The following RAI14 variants were observed in gnomAD, a reference collection of about 807,000 sequenced individuals.
RAI14 encodes ankycorbin.
In RAI14, 45 loss-of-function variants were observed where a neutral mutation model predicts 115.4. The observed-to-expected ratio is 0.39, with a 90% confidence interval of 0.31 to 0.50. The LOEUF (loss-of-function observed/expected upper bound fraction) is 0.50, where lower values mean the gene tolerates loss of function less well. Among genes scored for constraint, RAI14 ranks in the 20% least tolerant of loss-of-function variants. The pLI is 0.85. For synonymous variants in RAI14, 371 were observed against 415.4 expected, an observed-to-expected ratio of 0.89 and a Z score of 1.30; for missense variants, 939 against 1,131.2, an observed-to-expected ratio of 0.83 and a Z score of 2.44.
intron 1 of RAI14, among the ~76,000 whole-genome samples, chr5:34,673,853 T>C (rs533420046): frequency 2.2e-4 from 34 of 152,284 alleles, no homozygotes; most frequent in African/African-American, 8.2e-4. Flanking sequence ...GAGGAAGGTC[T>C]ACCTCCCCTC....
chr5:34,672,166 A>C (rs1381089239), intron 1 of RAI14, among the ~76,000 whole-genome samples: 1 of 152,064 alleles, frequency 6.6e-6, no homozygotes, highest in Non-Finnish European at 1.5e-5. Context: ...TTTTTATTTA[A>C]AAAAAAACTG....
chr5:34,683,961 T>C (rs1385923055), intron 1 of RAI14, among the ~76,000 whole-genome samples: 1 of 152,196 alleles, frequency 6.6e-6, no homozygotes, highest in East Asian at 1.9e-4. Context: ...TTTCCTGACC[T>C]TGTGTTCCGC....
chr5:34,761,610 C>T (rs555556197), intron 3 of RAI14, among the ~76,000 whole-genome samples: 16 of 152,142 alleles, frequency 1.1e-4, no homozygotes, highest in Non-Finnish European at 2.1e-4. Flanking sequence ...CCTGTCTCCC[C>T]GCTGTTTCTT....
chr5:34,679,461 A>G (rs1392317316), intron 1 of RAI14, among the ~76,000 whole-genome samples: 1 of 151,854 alleles, frequency 6.6e-6, no homozygotes, highest in Admixed American at 6.6e-5. Context: ...CTCCCTGACT[A>G]GAAGGGGAGT....
chr5:34,709,124 T>C (rs1741088541), intron 2 of RAI14, among the ~76,000 whole-genome samples: 1 of 124,010 alleles, frequency 8.1e-6, no homozygotes, highest in African/African-American at 3.2e-5. Context: ...AGTGAGACCC[T>C]ATCTCAAAAA....
At chr5:34,720,752 A>C (rs1742610487) in intron 2 of RAI14, among the ~76,000 whole-genome samples, 1 of 151,940 alleles carries the variant, frequency 6.6e-6, no homozygotes, top group Non-Finnish European at 1.5e-5. Flanking sequence ...TAGCGCTTTC[A>C]TGAGGTCTCA....
chr5:34,678,918 T>C (rs1032853732), intron 1 of RAI14, among the ~76,000 whole-genome samples: 2 of 152,234 alleles, frequency 1.3e-5, no homozygotes, highest in African/African-American at 2.4e-5. Flanking sequence ...TTTCCCTCTA[T>C]TGTGAGTTGC....
chr5:34,795,018 T>C (rs985249205), intron 3 of RAI14, among the ~76,000 whole-genome samples: 2 of 152,220 alleles, frequency 1.3e-5, no homozygotes, highest in African/African-American at 4.8e-5. Context: ...TTAACCTCTC[T>C]ATAGGATGGC....
In RAI14 at chr5:34,818,869, CT is replaced by C. The variant is rs1756540931; in HGVS notation, c.994+19del. 3 of 1,553,424 alleles carry C rather than the reference CT, an allele frequency of 1.9e-6. No homozygotes were observed. Among genetic ancestry groups the C allele is most frequent in the African/African-American group, 1.4e-5 (1 of 72,004 alleles). On this transcript the variant is annotated intron_variant, in intron 13 of 17. Coordinates refer to ENST00000265109, the MANE Select transcript of RAI14 (RefSeq NM_015577.3). ...TACTACAGGTAAGACAAGGAAGCATCTGTTTTTTTTTTTCCTTCAACCAAAC... is the reference window on the plus strand; with the variant it reads ...TACTACAGGTAAGACAAGGAAGCATCGTTTTTTTTTTTCCTTCAACCAAAC...
At chr5:34,826,028 TTAAGAG>T (rs1757402320) in intron 15 of RAI14, 2 of 186,492 alleles carry the variant, frequency 1.1e-5, no homozygotes, top group East Asian at 2.8e-4. Context: ...CATACCCATT[TTAAGAG>T]TAAAAGTAGG....
Position 34,678,845 on chromosome 5 carries a change from C to A in RAI14, c.-48-8027C>A, listed in dbSNP as rs188540542. ...TTTGTTGCTTCTCCACCAGGGAATCCGCTTCCCTCTGCCCTCTTTGTCCTT... is the reference window on the plus strand; with the variant it reads ...TTTGTTGCTTCTCCACCAGGGAATCAGCTTCCCTCTGCCCTCTTTGTCCTT... On this transcript the variant is annotated intron_variant, in intron 1 of 17. Transcript: ENST00000265109. Among the ~76,000 whole-genome samples, 3 of 152,180 alleles carry A rather than the reference C, an allele frequency of 2.0e-5. No individual in the cohort carries two copies. In the East Asian group the frequency reaches 5.8e-4, roughly 29 times the overall value.
rs1752864137 is a variant in RAI14, at chr5:34,791,027, G to A, written c.168-4912G>A. 6.6e-6 allele frequency among the ~76,000 whole-genome samples: 1 copy of A among 152,064 alleles called. No individual in the cohort carries two copies. Among genetic ancestry groups the A allele is most frequent in the African/African-American group, 2.4e-5 (1 of 41,422 alleles). ...AGCATGATGGGAGGGTTCAGGAGCT[G>A]ATACATTTTTGTATTTTCTGAGAGT... On this transcript the variant is annotated intron_variant, in intron 3 of 17. Transcript: ENST00000265109. The surrounding 1 kb of genome is among the most constrained non-coding windows in gnomAD (Gnocchi z 5.4).
intron 7 of RAI14, 68 bp from the exon 8 acceptor site, chr5:34,810,942 CAG>C (rs1270354594): frequency 3.2e-5 from 51 of 1,599,510 alleles, no homozygotes; most frequent in Admixed American, 1.5e-4. Flanking sequence ...GTGCAAAAAA[CAG>C]GGGCTGACTT....
intron 2 of RAI14, among the ~76,000 whole-genome samples, chr5:34,692,973 G>A (rs1002614018): frequency 2.6e-5 from 4 of 152,184 alleles, no homozygotes; most frequent in Non-Finnish European, 5.9e-5. Flanking sequence ...GATTCTGGTG[G>A]TTGGCTGGCA....
intron 3 of RAI14, among the ~76,000 whole-genome samples, chr5:34,766,036 T>A (rs1230205284): frequency 6.6e-6 from 1 of 152,184 alleles, no homozygotes; most frequent in Non-Finnish European, 1.5e-5. Flanking sequence ...TATACAAAAG[T>A]CAAGAACTGG....
chr5:34,830,254 G>A (rs1021384979), intron 17 of RAI14, among the ~76,000 whole-genome samples: 1 of 152,154 alleles, frequency 6.6e-6, no homozygotes, highest in East Asian at 1.9e-4. Context: ...AAAGTGCTGA[G>A]ATTACACGCA....
At chr5:34,813,056 GTTGT>G (rs1755791502) in intron 10 of RAI14, among the ~76,000 whole-genome samples, 2 of 152,084 alleles carry the variant, frequency 1.3e-5, no homozygotes, top group African/African-American at 4.8e-5. Context: ...TATATGTTTG[GTTGT>G]TTATTTATTT....
intron 1 of RAI14, among the ~76,000 whole-genome samples, chr5:34,662,776 G>A (rs1364870053): frequency 8.0e-6 from 1 of 124,718 alleles, no homozygotes; most frequent in Non-Finnish European, 1.6e-5. Flanking sequence ...TTGCCCACGC[G>A]GGAGTGCAAT....
In RAI14 at chr5:34,824,087, G is replaced by A; in HGVS notation, c.2245G>A (p.Glu749Lys). The A allele has an allele frequency of 4.3e-6, 7 of 1,614,114 alleles. No homozygotes were observed. Among genetic ancestry groups the A allele is most frequent in the Non-Finnish European group, 5.9e-6 (7 of 1,179,998 alleles). The change falls in exon 15 of 18, where the codon GAA becomes AAA. Residue 749 changes from glutamate to lysine, a missense_variant. Glu to Lys is a moderately conservative substitution (Grantham distance 56). Coordinates refer to ENST00000265109, the MANE Select transcript of RAI14 (RefSeq NM_015577.3). ...GCGGACTGCAGCAAAAGAGATGGAAGAAAAAATAAGCAATCTTAAGGAACA... is the reference window on the plus strand; with the variant it reads ...GCGGACTGCAGCAAAAGAGATGGAAAAAAAAATAAGCAATCTTAAGGAACA... Reference protein sequence around the residue: ...TLRTAAKEMEEKISNLKEHLA... With the variant: ...TLRTAAKEMEKKISNLKEHLA...
Sources: allele counts gnomAD v4.1 joint callset (sites outside exome capture counted in the v4.1 genomes callset), GRCh38; gene constraint gnomAD v4.1.1; non-coding constraint Gnocchi (gnomAD v3.1); transcripts MANE v1.5; gene names NCBI Gene and HGNC (gene_info 2026-07-23, HGNC 2026-07-21).